SGCD: variants seen among roughly 807,000 people sequenced by gnomAD.
SGCD encodes the protein sarcoglycan delta, also known as delta-sarcoglycan.
Under a neutral mutation model 36.6 loss-of-function variants are expected in SGCD, and 18 were observed. The observed-to-expected ratio is 0.49, with a 90% CI of 0.34 to 0.73. The LOEUF (loss-of-function observed/expected upper bound fraction) is 0.73, where lower values mean the gene tolerates loss of function less well. Ranked by LOEUF, SGCD falls within the 30% of genes least tolerant of loss-of-function variation. The pLI is 0.01. For missense variants in SGCD, 387 were observed against 346.7 expected, an observed-to-expected ratio of 1.12 and a Z score of -0.92; for synonymous variants, 133 against 130.6, an observed-to-expected ratio of 1.02 and a Z score of -0.12.
At chr5:156,188,902 C>T (rs2127631419) in intron 3 of SGCD, among the ~76,000 whole-genome samples, 1 of 152,290 alleles carries the variant, frequency 6.6e-6, no homozygotes, top group East Asian at 1.9e-4. Flanking sequence ...CTCTTCTCCC[C>T]AACCCTATAA....
At chr5:156,488,788 C>T (rs561045560) in intron 3 of SGCD, among the ~76,000 whole-genome samples, 10 of 152,116 alleles carry the variant, frequency 6.6e-5, no homozygotes, top group African/African-American at 2.4e-4. Context: ...AGAAAACCAC[C>T]AAACTGCAAA....
Position 156,737,932 on chromosome 5 carries a change from A to G in SGCD, c.576-19649A>G, listed in dbSNP as rs150340462. 6.9e-3 allele frequency among the ~76,000 whole-genome samples: 1,044 copies of G among 152,300 alleles called. 5 individuals are homozygous for G. Among genetic ancestry groups the G allele is most frequent in the Non-Finnish European group, 0.012 (789 of 68,028 alleles). On this transcript the variant is annotated intron_variant, in intron 7 of 8. Coordinates refer to ENST00000337851, the MANE Select transcript of SGCD (RefSeq NM_000337.6). The stretch of plus-strand genomic sequence containing the variant: ...CTCCTCCTAATCCAGAGCTCCTTCT[A>G]TGATGCACTGCCCCATAGGCTGAAC...
intron 1 of SGCD, among the ~76,000 whole-genome samples, chr5:155,994,060 T>A (rs1186031095): frequency 1.3e-5 from 2 of 152,222 alleles, no homozygotes; most frequent in Non-Finnish European, 2.9e-5. Context: ...ATTTTACTTA[T>A]GCATCTCTCC....
intron 1 of SGCD, among the ~76,000 whole-genome samples, chr5:155,919,907 T>A (rs1266984122): frequency 6.6e-6 from 1 of 152,124 alleles, no homozygotes; most frequent in African/African-American, 2.4e-5. Flanking sequence ...CCACTTTGCA[T>A]GGGAGGAGAG....
At position 156,345,392 on chromosome 5, in the gene SGCD, T is replaced by C. The variant is rs865817152; in HGVS notation, c.192+715T>C. On this transcript the variant is annotated intron_variant, in intron 3 of 8. Transcript: ENST00000337851. ...CTTTTGGAGTTATTTAGAGGTTTTA[T>C]ACCTAGAAATTCTGATCTATACTAG... Among the ~76,000 whole-genome samples, 6 of 152,358 alleles carry C rather than the reference T, an allele frequency of 3.9e-5. No homozygotes were observed. In the Middle Eastern group the frequency reaches 0.014, roughly 345 times the overall value.
intron 3 of SGCD, among the ~76,000 whole-genome samples, chr5:156,408,980 G>A (rs551102931): frequency 2.0e-5 from 3 of 152,246 alleles, no homozygotes; most frequent in South Asian, 2.1e-4. Flanking sequence ...CCTAGTGAAT[G>A]GGGCTTATAT....
intron 3 of SGCD, among the ~76,000 whole-genome samples, chr5:156,321,070 C>T (rs911993564): frequency 6.6e-6 from 1 of 152,136 alleles, no homozygotes; most frequent in Admixed American, 6.6e-5. Flanking sequence ...CGGTTTCTAT[C>T]CTTTGCCTAA....
intron 7 of SGCD, among the ~76,000 whole-genome samples, chr5:156,703,096 T>C (rs765550315): frequency 6.6e-6 from 1 of 152,214 alleles, no homozygotes; most frequent in Non-Finnish European, 1.5e-5. Flanking sequence ...TCTGACATGA[T>C]GTTGCTTGCA....
chr5:156,244,903 T>A (rs1371665190), intron 3 of SGCD, among the ~76,000 whole-genome samples: 5 of 152,204 alleles, frequency 3.3e-5, no homozygotes, highest in Non-Finnish European at 7.3e-5. Flanking sequence ...CATTGAAACC[T>A]TTCCCCTACT....
chr5:156,749,617 G>T (rs1218562883), intron 7 of SGCD, among the ~76,000 whole-genome samples: 3 of 151,960 alleles, frequency 2.0e-5, no homozygotes, highest in African/African-American at 7.3e-5. Context: ...TTCTTTATCA[G>T]TGCAAAGGAG....
intron 1 of SGCD, among the ~76,000 whole-genome samples, chr5:156,069,115 C>G (rs1760445457): frequency 6.6e-6 from 1 of 152,122 alleles, no homozygotes; most frequent in African/African-American, 2.4e-5. Context: ...TGTGCAGAAG[C>G]TATTTAGTTT....
intron 7 of SGCD, among the ~76,000 whole-genome samples, chr5:156,712,896 T>C (rs545274628): frequency 1.3e-4 from 20 of 152,310 alleles, no homozygotes; most frequent in African/African-American, 4.6e-4. Context: ...CTGATGAGTT[T>C]ACTTGTTATC....
intron 3 of SGCD, among the ~76,000 whole-genome samples, chr5:156,501,173 A>C (rs1019953817): frequency 6.6e-6 from 1 of 152,156 alleles, no homozygotes; most frequent in Non-Finnish European, 1.5e-5. Context: ...TCTTTTGTCT[A>C]CTGCCCCCCA....
intron 7 of SGCD, among the ~76,000 whole-genome samples, chr5:156,693,091 ACT>A (rs2113710593): frequency 6.6e-6 from 1 of 152,324 alleles, no homozygotes; most frequent in South Asian, 2.1e-4. Context: ...AGAATAATGT[ACT>A]GTTTTAATAA....
chr5:156,654,912 A>G (rs999906759), intron 7 of SGCD, among the ~76,000 whole-genome samples: 4 of 152,166 alleles, frequency 2.6e-5, no homozygotes, highest in Non-Finnish European at 4.4e-5. Context: ...CATGCTTTAC[A>G]TGAGATTTAT....
chr5:155,929,975 A>G (rs761032547), intron 1 of SGCD, among the ~76,000 whole-genome samples: 9 of 152,100 alleles, frequency 5.9e-5, no homozygotes, highest in Non-Finnish European at 5.9e-5. Flanking sequence ...ATGTCTCCTC[A>G]ATGCATAATT....
intron 4 of SGCD, among the ~76,000 whole-genome samples, chr5:156,543,980 A>G (rs1016865930): frequency 6.6e-6 from 1 of 152,240 alleles, no homozygotes; most frequent in African/African-American, 2.4e-5. Context: ...GAAGTAGCTC[A>G]GAGAGCTCAG....
intron 1 of SGCD, among the ~76,000 whole-genome samples, chr5:155,890,592 T>A (rs1011730916): frequency 6.6e-6 from 1 of 151,920 alleles, no homozygotes. Flanking sequence ...TGGGTGACAG[T>A]GATACCCTGT....
chr5:155,765,689 G>A, the SGCD span, among the ~76,000 whole-genome samples: 1,366 of 152,150 alleles, frequency 9.0e-3, 15 homozygotes, highest in African/African-American at 0.032. Context: ...TTGGATAATC[G>A]TTAAACCTCC....
Sources: allele counts gnomAD v4.1 joint callset (sites outside exome capture counted in the v4.1 genomes callset), GRCh38; gene constraint gnomAD v4.1.1; transcripts MANE v1.5; gene names NCBI Gene and HGNC (gene_info 2026-07-23, HGNC 2026-07-21).